The following SCAPER variants were observed in gnomAD, a reference collection of about 807,000 sequenced individuals.
SCAPER encodes the protein S-phase cyclin A associated protein in the ER.
Under a neutral mutation model 182.2 loss-of-function variants are expected in SCAPER, and 98 were observed. The observed-to-expected ratio is 0.54, with a 90% confidence interval of 0.46 to 0.64. SCAPER has a LOEUF of 0.64. Ranked by LOEUF, SCAPER falls within the 30% of genes least tolerant of loss-of-function variation. SCAPER has a pLI of 0.00. For synonymous variants in SCAPER, 605 were observed against 564.6 expected (o/e 1.07, Z -1.01); for missense variants, 1,432 against 1,690.0 (o/e 0.85, Z 2.68).
intron 23 of SCAPER, among the ~76,000 whole-genome samples, chr15:76,521,986 C>T (rs900655966): frequency 2.0e-5 from 3 of 152,124 alleles, no homozygotes; most frequent in Non-Finnish European, 4.4e-5. Context: ...ATGCATTATA[C>T]ATTTTACTGC....
chr15:76,494,308 G>A (rs145089001), intron 24 of SCAPER, among the ~76,000 whole-genome samples: 11 of 152,074 alleles, frequency 7.2e-5, no homozygotes, highest in Admixed American at 3.3e-4. Context: ...TGAACATTTC[G>A]TCTCACACAT....
intron 20 of SCAPER, among the ~76,000 whole-genome samples, chr15:76,667,960 T>C (rs1201733575): frequency 8.0e-6 from 1 of 124,408 alleles, no homozygotes; most frequent in Non-Finnish European, 2.0e-5. Flanking sequence ...AAGACTGTCT[T>C]TAAAAAAAAA....
At chr15:76,571,326 C>T (rs142149518) in intron 23 of SCAPER, among the ~76,000 whole-genome samples, 9 of 152,140 alleles carry the variant, frequency 5.9e-5, no homozygotes, top group Admixed American at 2.0e-4. Context: ...GTACCCTAGA[C>T]CAAAGTATGT....
chr15:76,564,730 G>A (rs2046898893), intron 23 of SCAPER, among the ~76,000 whole-genome samples: 1 of 152,102 alleles, frequency 6.6e-6, no homozygotes, highest in African/African-American at 2.4e-5. Flanking sequence ...AAAATAAAAA[G>A]AAGAAAGCTG....
At chr15:76,753,613 A>AATAAT (rs1568018737) in intron 15 of SCAPER, among the ~76,000 whole-genome samples, 195 bp downstream of exon 15, 3 of 151,994 alleles carry the variant, frequency 2.0e-5, no homozygotes, top group African/African-American at 7.2e-5. Flanking sequence ...GGGTTGTAAA[A>AATAAT]ATAATAATAG....
At position 76,862,511 on chromosome 15, in the gene SCAPER, C is replaced by T; in HGVS notation, c.29G>A (p.Ser10Asn). 1 of 1,612,238 alleles carries T rather than the reference C, an allele frequency of 6.2e-7. No individual in the cohort carries two copies. The highest frequency in any genetic ancestry group is 8.5e-7 in the Non-Finnish European group (1 of 1,178,856). The change falls in exon 3 of 32, where the codon AGT becomes AAT. Residue 10 changes from serine (S) to asparagine (N), a missense_variant. Physicochemically the swap from Ser to Asn is conservative, Grantham distance 46. Coordinates refer to ENST00000563290, the MANE Select transcript of SCAPER (RefSeq NM_020843.4). MMASFQRSN[S>N]HDKVRRIVAE... ...AACTATTCTCCTTACTTTGTCATGA[C>T]TATTGGAGCGCTGGAATGAAGCCTA...
At chr15:76,365,063 G>C (rs926427636) in intron 29 of SCAPER, among the ~76,000 whole-genome samples, 2 of 152,010 alleles carry the variant, frequency 1.3e-5, no homozygotes, top group Non-Finnish European at 2.9e-5. Context: ...TGTCTGTTTT[G>C]CTTCCCACTG....
chr15:76,574,411 G>A, intron 22 of SCAPER, 127 bp from the exon 23 acceptor site: 2 of 1,069,810 alleles, frequency 1.9e-6, no homozygotes, highest in Non-Finnish European at 2.6e-6. Context: ...GAGCATCTGA[G>A]GGGAGAAAAA....
At chr15:76,421,072 A>T (rs1485582191) in intron 26 of SCAPER, among the ~76,000 whole-genome samples, 3 of 152,234 alleles carry the variant, frequency 2.0e-5, no homozygotes, top group African/African-American at 7.2e-5. Flanking sequence ...ATAGTGCCAC[A>T]ATAAACATAC....
intron 2 of SCAPER, 35 bp downstream of exon 2, chr15:76,883,777 A>G: frequency 6.7e-7 from 1 of 1,481,750 alleles, no homozygotes; most frequent in Admixed American, 2.5e-5. Flanking sequence ...GAGAAAGGCA[A>G]AAAAACTAAG....
At chr15:76,884,186 C>A (rs2073725465) in intron 1 of SCAPER, among the ~76,000 whole-genome samples, 1 of 152,132 alleles carries the variant, frequency 6.6e-6, no homozygotes, top group African/African-American at 2.4e-5. Flanking sequence ...TATATCTTAC[C>A]CAGTTCATAC....
intron 26 of SCAPER, among the ~76,000 whole-genome samples, chr15:76,424,022 G>C (rs1200792866): frequency 6.6e-6 from 1 of 152,192 alleles, no homozygotes; most frequent in African/African-American, 2.4e-5. Context: ...CATTTGCTAA[G>C]GAGTGCCTTA....
chr15:76,427,957 G>T (rs563884209), intron 26 of SCAPER, among the ~76,000 whole-genome samples: 277 of 151,776 alleles, frequency 1.8e-3, no homozygotes, highest in Non-Finnish European at 3.3e-3. Context: ...AAAATTAGCT[G>T]GGTGTGGTTG....
At position 76,577,680 on chromosome 15, in the gene SCAPER, C is replaced by T. The variant is rs964319027; in HGVS notation, c.2712-3396G>A. Among the ~76,000 whole-genome samples, 24 of 152,204 alleles carry T rather than the reference C, an allele frequency of 1.6e-4. 1 individual carries two copies. Among genetic ancestry groups the T allele is most frequent in the African/African-American group, 5.3e-4 (22 of 41,546 alleles). On this transcript the variant is annotated intron_variant, in intron 22 of 31. Coordinates refer to ENST00000563290, the MANE Select transcript of SCAPER (RefSeq NM_020843.4). ...CTGCTGACAAAAGACTCCTTGGGCC[C>T]TCACGAGTTAGCAGTGGTAGCCAGG...
intron 23 of SCAPER, among the ~76,000 whole-genome samples, chr15:76,531,135 G>A (rs773439793): frequency 2.0e-5 from 3 of 152,004 alleles, no homozygotes; most frequent in African/African-American, 7.2e-5. Context: ...TAAAAAAGTT[G>A]ATTATAAATC....
At chr15:76,815,866 C>CA (rs2067036194) in intron 5 of SCAPER, among the ~76,000 whole-genome samples, 1 of 152,110 alleles carries the variant, frequency 6.6e-6, no homozygotes, top group Non-Finnish European at 1.5e-5. Context: ...TCCCTGGTGC[C>CA]AAAAAGGTTG....
At chr15:76,658,226 T>C (rs932837897) in intron 21 of SCAPER, among the ~76,000 whole-genome samples, 2 of 152,006 alleles carry the variant, frequency 1.3e-5, no homozygotes, top group Non-Finnish European at 2.9e-5. Context: ...TTTCAGGATA[T>C]AAAATCAATG....
At chr15:76,378,082 C>G (rs2042690995) in intron 28 of SCAPER, among the ~76,000 whole-genome samples, 1 of 152,146 alleles carries the variant, frequency 6.6e-6, no homozygotes, top group Non-Finnish European at 1.5e-5. Context: ...TAAGGTCATA[C>G]AATTTGAAGA....
chr15:76,498,581 C>G (rs1035746553), intron 24 of SCAPER: 1 of 152,204 alleles, frequency 6.6e-6, no homozygotes, highest in African/African-American at 2.4e-5. Context: ...TAGTCATACC[C>G]CAATGTGACT....
Sources: allele counts gnomAD v4.1 joint callset (sites outside exome capture counted in the v4.1 genomes callset), GRCh38; gene constraint gnomAD v4.1.1; transcripts MANE v1.5; gene names NCBI Gene and HGNC (gene_info 2026-07-23, HGNC 2026-07-21).